Variants in UST observed in about 807,000 individuals in gnomAD.
The protein encoded by UST is uronyl 2-sulfotransferase, also known as chondroitin sulfate 2-O-sulfotransferase.
UST carries 21 observed loss-of-function variants against 45.6 expected under a neutral mutation model. The ratio of observed to expected loss-of-function variants is 0.46; its 90% confidence interval spans 0.33 to 0.66. The LOEUF (loss-of-function observed/expected upper bound fraction) is 0.66, where lower values mean the gene tolerates loss of function less well. Among genes scored for constraint, UST ranks in the 30% least tolerant of loss-of-function variants. The pLI is 0.02. For synonymous variants in UST, 215 were observed against 200.6 expected (o/e 1.07, Z -0.61); for missense variants, 463 against 512.4 (o/e 0.90, Z 0.93).
At chr6:148,957,664 G>A (rs1006515129) in intron 4 of UST, among the ~76,000 whole-genome samples, 1 of 152,310 alleles carries the variant, frequency 6.6e-6, no homozygotes, top group African/African-American at 2.4e-5. Context: ...AAAACTCATG[G>A]CCTCAAGTGA....
At chr6:149,019,380 A>G (rs1775948930) in intron 6 of UST, 144 bp downstream of exon 6, 1 of 660,856 alleles carries the variant, frequency 1.5e-6, no homozygotes, top group Non-Finnish European at 2.6e-6. Flanking sequence ...TAATCTTTCA[A>G]GATAATATTT....
chr6:148,749,654 T>A (rs1240507164), intron 1 of UST, among the ~76,000 whole-genome samples: 1 of 152,190 alleles, frequency 6.6e-6, no homozygotes, highest in Non-Finnish European at 1.5e-5. Context: ...AAGGTACTAC[T>A]GAGGATAAAA....
chr6:148,858,116 T>A lies in UST; in HGVS notation c.248-28870T>A, dbSNP rs919851142. On this transcript the variant is annotated intron_variant, in intron 1 of 7. Coordinates refer to ENST00000367463, the MANE Select transcript of UST (RefSeq NM_005715.3). ...AGGCACAGAACTAATAGGCTAGATG[T>A]ATATATGAAGGGAGTTTATTAAGGA... Among the ~76,000 whole-genome samples, 11 of 152,282 alleles carry A rather than the reference T, an allele frequency of 7.2e-5. No individual in the cohort carries two copies. The East Asian group carries it at 2.1e-3, about 29-fold the overall frequency.
intron 2 of UST, among the ~76,000 whole-genome samples, chr6:148,932,973 A>G (rs571516659): frequency 9.5e-4 from 145 of 152,244 alleles, no homozygotes; most frequent in Non-Finnish European, 4.3e-4. Context: ...CCCTCATTCT[A>G]TACTTTGAGG....
intron 2 of UST, among the ~76,000 whole-genome samples, chr6:148,894,404 C>T (rs572918484): frequency 1.3e-5 from 2 of 152,254 alleles, no homozygotes; most frequent in South Asian, 4.1e-4. Context: ...GAAATTTGGA[C>T]ACAGAGATAG....
chr6:148,971,796 A>G (rs561911600), intron 5 of UST, among the ~76,000 whole-genome samples: 1 of 152,320 alleles, frequency 6.6e-6, no homozygotes, highest in Non-Finnish European at 1.5e-5. Flanking sequence ...TAAAGGACTT[A>G]AAGCAAAAGA....
intron 3 of UST, among the ~76,000 whole-genome samples, chr6:148,951,341 C>T (rs915055765): frequency 1.3e-5 from 2 of 152,150 alleles, no homozygotes; most frequent in Non-Finnish European, 2.9e-5. Flanking sequence ...GTGTTTGTGG[C>T]CATGGTGGAG....
chr6:148,860,410 T>C (rs1353826957), intron 1 of UST, among the ~76,000 whole-genome samples: 1 of 152,110 alleles, frequency 6.6e-6, no homozygotes, highest in African/African-American at 2.4e-5. Flanking sequence ...GATGATGGGG[T>C]TTTCTAAATA....
At chr6:148,851,851 G>A (rs1344176589) in intron 1 of UST, among the ~76,000 whole-genome samples, 2 of 152,226 alleles carry the variant, frequency 1.3e-5, no homozygotes, top group Non-Finnish European at 2.9e-5. Flanking sequence ...ACAACTTAGA[G>A]GGCAAGTGCC....
chr6:148,937,380 T>C (rs1780044627), intron 2 of UST, among the ~76,000 whole-genome samples: 1 of 152,228 alleles, frequency 6.6e-6, no homozygotes, highest in Non-Finnish European at 1.5e-5. Context: ...TGACACAGGA[T>C]GTTTTGTTCT....
At chr6:148,754,701 G>A (rs969518881) in intron 1 of UST, among the ~76,000 whole-genome samples, 18 of 152,156 alleles carry the variant, frequency 1.2e-4, no homozygotes, top group African/African-American at 3.6e-4. Flanking sequence ...TTAATTTGGG[G>A]GTTGGGAAAT....
chr6:148,905,921 C>T (rs1191356107), intron 2 of UST, among the ~76,000 whole-genome samples: 2 of 152,140 alleles, frequency 1.3e-5, no homozygotes, highest in African/African-American at 4.8e-5. Flanking sequence ...ATACTGTTAC[C>T]GGTATGCATA....
At position 148,772,397 on chromosome 6, in the gene UST, G is replaced by A. The variant is rs1003798650; in HGVS notation, c.247+24720G>A. Among the ~76,000 whole-genome samples the A allele has an allele frequency of 2.0e-5, 3 of 151,670 alleles. No homozygotes were observed. In the East Asian group the frequency reaches 5.8e-4, roughly 29 times the overall value. ...TGCTTGGGGTTGGCTGGGCCTGGTG[G>A]AGAACTTACCTTGGGTGGGCCCTTC... is the stretch of plus-strand genomic sequence containing the variant. On this transcript the variant is annotated intron_variant, in intron 1 of 7. Transcript: ENST00000367463.
intron 2 of UST, among the ~76,000 whole-genome samples, chr6:148,909,311 C>G (rs1779431262): frequency 6.6e-6 from 1 of 152,126 alleles, no homozygotes; most frequent in African/African-American, 2.4e-5. Flanking sequence ...GCCTTTGGTC[C>G]TGAGCAATCT....
chr6:149,017,967 C>A (rs767696996), intron 5 of UST, among the ~76,000 whole-genome samples: 1 of 152,106 alleles, frequency 6.6e-6, no homozygotes, highest in African/African-American at 2.4e-5. Flanking sequence ...TATGCACCCC[C>A]CTATTCACTT....
intron 1 of UST, among the ~76,000 whole-genome samples, chr6:148,864,167 C>A (rs9390618): frequency 2.0e-5 from 3 of 152,202 alleles, no homozygotes; most frequent in East Asian, 1.9e-4. Flanking sequence ...TTGAGCTTCC[C>A]GGCCACTTTG....
chr6:148,967,416 G>A (rs1178174365), intron 5 of UST, among the ~76,000 whole-genome samples: 2 of 152,186 alleles, frequency 1.3e-5, no homozygotes, highest in African/African-American at 4.8e-5. Flanking sequence ...TTAGAAGGCT[G>A]TCTTCTTGTT....
intron 1 of UST, among the ~76,000 whole-genome samples, chr6:148,862,709 TCAGCA>T (rs1279514559): frequency 6.6e-6 from 1 of 152,220 alleles, no homozygotes; most frequent in East Asian, 1.9e-4. Context: ...ACAAAATCTC[TCAGCA>T]TTTGCTTGTC....
At chr6:148,962,926 G>A (rs192087671) in intron 4 of UST, among the ~76,000 whole-genome samples, 2 of 152,318 alleles carry the variant, frequency 1.3e-5, no homozygotes, top group Admixed American at 6.5e-5. Context: ...CCATGATATG[G>A]GAAGAAACGT....
Sources: allele counts gnomAD v4.1 joint callset (sites outside exome capture counted in the v4.1 genomes callset), GRCh38; gene constraint gnomAD v4.1.1; transcripts MANE v1.5; gene names NCBI Gene and HGNC (gene_info 2026-07-23, HGNC 2026-07-21).